The following PARD3 variants were observed in gnomAD, a reference collection of about 807,000 sequenced individuals.
PARD3 encodes partitioning defective 3 homolog.
In PARD3, 75 loss-of-function variants were observed where a neutral mutation model predicts 155.4. The observed-to-expected ratio is 0.48, with a 90% CI of 0.40 to 0.58. PARD3 has a LOEUF of 0.58. Ranked by LOEUF, PARD3 falls within the 20% of genes least tolerant of loss-of-function variation. The probability of loss-of-function intolerance (pLI) is 0.00; values close to 1 mark genes in which losing one functional copy is unlikely to be tolerated. For missense variants in PARD3, 1,642 were observed against 1,721.7 expected, an observed-to-expected ratio of 0.95 and a Z score of 0.82; for synonymous variants, 576 against 610.5, an observed-to-expected ratio of 0.94 and a Z score of 0.83.
At chr10:34,187,131 T>A (rs1229952818) in intron 22 of PARD3, among the ~76,000 whole-genome samples, 1 of 152,062 alleles carries the variant, frequency 6.6e-6, no homozygotes, top group Non-Finnish European at 1.5e-5. Flanking sequence ...GTTTTGGGGG[T>A]CCCAGGGGTA....
intron 1 of PARD3, among the ~76,000 whole-genome samples, chr10:34,791,309 C>T (rs547019676): frequency 2.4e-4 from 37 of 152,262 alleles, no homozygotes; most frequent in African/African-American, 8.9e-4. Context: ...TCATCACCTG[C>T]GTCCCTCTCG....
intron 22 of PARD3, among the ~76,000 whole-genome samples, chr10:34,262,763 C>T (rs535417282): frequency 2.7e-4 from 41 of 152,266 alleles, no homozygotes; most frequent in African/African-American, 9.9e-4. Flanking sequence ...CATGCAAGTA[C>T]AAAATGAAAA....
At chr10:34,800,141 CAA>C (rs34983969) in intron 1 of PARD3, among the ~76,000 whole-genome samples, 18 of 142,338 alleles carry the variant, frequency 1.3e-4, no homozygotes, top group South Asian at 2.3e-4. Context: ...TGCAACTTCC[CAA>C]AAAAAAAAAA....
chr10:34,633,708 G>GGACCA (rs1294169721), intron 2 of PARD3, among the ~76,000 whole-genome samples: 20 of 152,302 alleles, frequency 1.3e-4, no homozygotes, highest in African/African-American at 4.6e-4. Flanking sequence ...TAGGATTGCT[G>GGACCA]GACCATATGG....
intron 1 of PARD3, among the ~76,000 whole-genome samples, chr10:34,807,288 T>C (rs986330943): frequency 1.3e-5 from 2 of 152,230 alleles, no homozygotes; most frequent in Non-Finnish European, 2.9e-5. Context: ...TACACATATA[T>C]ATGTCATTTT....
intron 3 of PARD3, among the ~76,000 whole-genome samples, chr10:34,478,221 C>A (rs1219131327): frequency 6.6e-6 from 1 of 152,060 alleles, no homozygotes; most frequent in East Asian, 1.9e-4. Context: ...TAGTGATAAA[C>A]TGAAATATTA....
intron 7 of PARD3, among the ~76,000 whole-genome samples, chr10:34,397,283 T>C (rs1267398795): frequency 3.3e-5 from 5 of 152,222 alleles, no homozygotes; most frequent in African/African-American, 1.2e-4. Flanking sequence ...ACCATGACTA[T>C]CAATTCCACA....
chr10:34,252,502 C>T (rs1954377223), intron 22 of PARD3, among the ~76,000 whole-genome samples: 1 of 152,048 alleles, frequency 6.6e-6, no homozygotes, highest in African/African-American at 2.4e-5. Context: ...TCAGGAGAGA[C>T]AGTTAATGGA....
intron 16 of PARD3, among the ~76,000 whole-genome samples, chr10:34,337,835 A>C (rs1445195394): frequency 3.9e-5 from 6 of 152,258 alleles, no homozygotes; most frequent in Non-Finnish European, 8.8e-5. Flanking sequence ...ATTGTAACTA[A>C]ATAGAAGTTT....
At chr10:34,277,009 T>C (rs1358699798) in intron 21 of PARD3, among the ~76,000 whole-genome samples, 3 of 152,192 alleles carry the variant, frequency 2.0e-5, no homozygotes, top group Non-Finnish European at 4.4e-5. Context: ...TTGTTGACTA[T>C]CTTCAAAACA....
At chr10:34,387,129 T>A (rs903712518) in intron 7 of PARD3, among the ~76,000 whole-genome samples, 1 of 152,212 alleles carries the variant, frequency 6.6e-6, no homozygotes, top group Non-Finnish European at 1.5e-5. Flanking sequence ...TCACTCCAGT[T>A]AATGAGTTTT....
chr10:34,208,935 C>T (rs1416087182), intron 22 of PARD3, among the ~76,000 whole-genome samples: 1 of 152,154 alleles, frequency 6.6e-6, no homozygotes, highest in Non-Finnish European at 1.5e-5. Context: ...TAGAATTACT[C>T]CAAGAATTTA....
chr10:34,465,426 G>A (rs180677355), intron 4 of PARD3, among the ~76,000 whole-genome samples: 13 of 152,252 alleles, frequency 8.5e-5, no homozygotes, highest in East Asian at 1.9e-4. Context: ...AAAGAAAAGC[G>A]AGATGACAAA....
At chr10:34,379,949 G>A (rs1841655217) in intron 9 of PARD3, among the ~76,000 whole-genome samples, 1 of 151,958 alleles carries the variant, frequency 6.6e-6, no homozygotes, top group South Asian at 2.1e-4. Flanking sequence ...TTTGTACTAA[G>A]AGTTGATTCC....
chr10:34,520,656 T>C (rs1459733898), intron 2 of PARD3, among the ~76,000 whole-genome samples: 2 of 152,182 alleles, frequency 1.3e-5, no homozygotes, highest in Non-Finnish European at 2.9e-5. Flanking sequence ...TACTCACTAA[T>C]TATAGTATGA....
intron 15 of PARD3, 30 bp from the exon 16 acceptor site, chr10:34,341,846 T>C (rs1564606510): frequency 5.0e-6 from 7 of 1,395,910 alleles, no homozygotes; most frequent in Non-Finnish European, 7.0e-6. Context: ...GAAGAGAAAA[T>C]TCTAGACATC....
At chr10:34,486,174 TC>T (rs1474504774) in intron 3 of PARD3, among the ~76,000 whole-genome samples, 3 of 152,102 alleles carry the variant, frequency 2.0e-5, no homozygotes, top group African/African-American at 7.2e-5. Context: ...TGCCATGACC[TC>T]CCAAAGTGTT....
At chr10:34,432,859 A>T (rs2076016184) in intron 5 of PARD3, among the ~76,000 whole-genome samples, 1 of 152,186 alleles carries the variant, frequency 6.6e-6, no homozygotes, top group South Asian at 2.1e-4. Context: ...GTAAAAACCC[A>T]TCCAGAGAAA....
intron 4 of PARD3, among the ~76,000 whole-genome samples, chr10:34,463,215 A>G (rs2077780048): frequency 7.9e-6 from 1 of 126,746 alleles, no homozygotes; most frequent in Non-Finnish European, 1.7e-5. Flanking sequence ...GGGAAGGGAA[A>G]GAAAAGGGGA....
Sources: gnomAD v4.1 joint callset for allele counts (sites outside exome capture counted in the v4.1 genomes callset) on GRCh38, gnomAD v4.1.1 for gene constraint, MANE v1.5 for transcripts, NCBI Gene and HGNC (gene_info 2026-07-23, HGNC 2026-07-21) for gene names.